SLC14A2: variants seen among roughly 807,000 people sequenced by gnomAD.
SLC14A2 encodes solute carrier family 14 member 2, also known as urea transporter 2.
In SLC14A2, 91 loss-of-function variants were observed where a neutral mutation model predicts 104.6. The ratio of observed to expected loss-of-function variants is 0.87; its 90% CI spans 0.73 to 1.04. The LOEUF is 1.04. SLC14A2 is among the 50% of genes least tolerant of loss of function. The pLI, the probability that SLC14A2 is intolerant of heterozygous loss-of-function variation, is 0.00. For synonymous variants in SLC14A2, 476 were observed against 466.4 expected, an observed-to-expected ratio of 1.02 and a Z score of -0.27; for missense variants, 1,189 against 1,156.0, an observed-to-expected ratio of 1.03 and a Z score of -0.41.
chr18:45,475,682 T>G (rs1295941247), intron 1 of SLC14A2, among the ~76,000 whole-genome samples: 1 of 95,856 alleles, frequency 1.0e-5, no homozygotes, highest in African/African-American at 4.2e-5. Context: ...TATATATATA[T>G]ATATATGATA....
chr18:45,349,482 C>T (rs1008220255), intron 1 of SLC14A2, among the ~76,000 whole-genome samples: 6 of 152,164 alleles, frequency 3.9e-5, no homozygotes, highest in Admixed American at 3.9e-4. Flanking sequence ...CCAACCTTCT[C>T]CTAGAGATGG....
chr18:45,349,672 G>A (rs1035314387), intron 1 of SLC14A2, among the ~76,000 whole-genome samples: 12 of 152,196 alleles, frequency 7.9e-5, no homozygotes, highest in Admixed American at 6.5e-4. Context: ...ACCCATCTTG[G>A]TTACAGCTCT....
chr18:45,318,182 G>A (rs1305754935), intron 1 of SLC14A2, among the ~76,000 whole-genome samples: 5 of 152,186 alleles, frequency 3.3e-5, no homozygotes, highest in African/African-American at 4.8e-5. Flanking sequence ...TCCAAGCACC[G>A]GGGAGACGGC....
intron 2 of SLC14A2, among the ~76,000 whole-genome samples, chr18:45,571,851 T>TAATA (rs2144337585): frequency 6.6e-6 from 1 of 152,288 alleles, no homozygotes; most frequent in African/African-American, 2.4e-5. Context: ...GAGTAAAATA[T>TAATA]AATATGGGTT....
At chr18:45,426,493 C>T (rs564428112) in intron 1 of SLC14A2, among the ~76,000 whole-genome samples, 21 of 151,540 alleles carry the variant, frequency 1.4e-4, no homozygotes, top group African/African-American at 4.8e-4. Context: ...GCAGAGCACA[C>T]CCTTGTATGT....
chr18:45,567,722 G>A (rs939313963), intron 2 of SLC14A2, among the ~76,000 whole-genome samples: 45 of 151,838 alleles, frequency 3.0e-4, no homozygotes, highest in Non-Finnish European at 1.3e-4. Context: ...CACCTCTCTC[G>A]GCCTCTACCT....
intron 1 of SLC14A2, among the ~76,000 whole-genome samples, chr18:45,302,521 A>G (rs187266399): frequency 5.9e-5 from 9 of 152,326 alleles, no homozygotes; most frequent in Non-Finnish European, 1.3e-4. Flanking sequence ...CTATTTTCCC[A>G]TCTCAATATC....
chr18:45,393,419 G>A (rs1315943962), intron 1 of SLC14A2, among the ~76,000 whole-genome samples: 2 of 152,080 alleles, frequency 1.3e-5, no homozygotes, highest in African/African-American at 2.4e-5. Context: ...AGTTTATAAC[G>A]TGTATGTACT....
intron 1 of SLC14A2, chr18:45,482,636 A>C (rs1308666337): frequency 1.3e-5 from 2 of 152,260 alleles, no homozygotes; most frequent in African/African-American, 4.8e-5. Context: ...ATGACATGGC[A>C]GTTGGCTCCA....
intron 8 of SLC14A2, among the ~76,000 whole-genome samples, chr18:45,642,489 A>G (rs535419078): frequency 6.6e-6 from 1 of 152,278 alleles, no homozygotes; most frequent in Non-Finnish European, 1.5e-5. Context: ...TGACAAAGAG[A>G]GAGGGAAGAG....
intron 2 of SLC14A2, among the ~76,000 whole-genome samples, chr18:45,567,797 G>A (rs577891456): frequency 2.2e-4 from 33 of 152,184 alleles, no homozygotes; most frequent in African/African-American, 7.5e-4. Flanking sequence ...TCAAGAGGAG[G>A]GCCTATAAAA....
At chr18:45,553,660 C>T (rs1209185858) in intron 2 of SLC14A2, among the ~76,000 whole-genome samples, 1 of 152,108 alleles carries the variant, frequency 6.6e-6, no homozygotes, top group African/African-American at 2.4e-5. Flanking sequence ...TTATTCCTCC[C>T]AAATATTATG....
rs536611678 is a variant in SLC14A2, at chr18:45,589,212, A to T, written c.-34-35419A>T. On this transcript the variant is annotated intron_variant, in intron 2 of 20. Transcript: ENST00000586448. Reference sequence around the variant, plus strand: ...AAGCCTGTTTGAAGTTGCCCTGGATATTTATTTGTAGGGGATTTACTGCAC... The same window carrying T: ...AAGCCTGTTTGAAGTTGCCCTGGATTTTTATTTGTAGGGGATTTACTGCAC... Among the ~76,000 whole-genome samples the T allele has an allele frequency of 2.2e-5, 3 of 138,346 alleles. No homozygotes were observed. In the South Asian group the frequency reaches 6.8e-4, roughly 31 times the overall value. 90.8% of individuals were successfully genotyped at this position (138,346 alleles called of 152,430 possible).
chr18:45,491,759 G>A (rs897200390), intron 2 of SLC14A2, among the ~76,000 whole-genome samples: 4 of 152,156 alleles, frequency 2.6e-5, no homozygotes, highest in Non-Finnish European at 5.9e-5. Context: ...GGCTGTGGAT[G>A]TCTGCTCATG....
chr18:45,193,154 A>G, the SLC14A2 span, among the ~76,000 whole-genome samples: 11 of 152,160 alleles, frequency 7.2e-5, no homozygotes, highest in Non-Finnish European at 1.2e-4. Context: ...GCAGACACAT[A>G]TTTGCCAATA....
intron 2 of SLC14A2, among the ~76,000 whole-genome samples, chr18:45,558,853 C>T (rs967523731): frequency 5.3e-5 from 8 of 152,236 alleles, no homozygotes; most frequent in East Asian, 3.9e-4. Flanking sequence ...TGCAGTGACA[C>T]GATCTCGGCT....
At chr18:45,526,844 G>A (rs1174051530) in intron 2 of SLC14A2, among the ~76,000 whole-genome samples, 1 of 152,142 alleles carries the variant, frequency 6.6e-6, no homozygotes, top group Non-Finnish European at 1.5e-5. Context: ...GACAAGGAGG[G>A]AGTTGCTAAG....
In SLC14A2 at chr18:45,236,011, A is replaced by G. The variant is rs370171323; in HGVS notation, c.-125+22820A>G. Among the ~76,000 whole-genome samples the G allele has an allele frequency of 3.0e-4, 16 of 52,516 alleles. 1 individual carries two copies. Among genetic ancestry groups the G allele is most frequent in the African/African-American group, 2.0e-3 (14 of 7,080 alleles). The allele number at this position is 52,516 out of a possible 152,430, so 34.5% of individuals were successfully genotyped here. On this transcript the variant is annotated intron_variant, in intron 1 of 20. Transcript: ENST00000586448. ...TGTGTATATATACATATATGTGTGT[A>G]TATATGTGTATATATACATATATGT...
rs184937826 is a variant in SLC14A2, at chr18:45,518,056, A to T, written c.-35+34734A>T. Among the ~76,000 whole-genome samples the T allele has an allele frequency of 8.9e-3, 1,356 of 152,266 alleles. 13 individuals are homozygous for T. The highest frequency in any genetic ancestry group is 0.013 in the Non-Finnish European group (868 of 68,018). ...AATAATAACTAATAATTAACACAACATCTAGATTCAGTCTGTTTCCTACTT... is the reference window on the plus strand; with the variant it reads ...AATAATAACTAATAATTAACACAACTTCTAGATTCAGTCTGTTTCCTACTT... On this transcript the variant is annotated intron_variant, in intron 2 of 20. Transcript: ENST00000586448.
Sources: gnomAD v4.1 joint callset for allele counts (sites outside exome capture counted in the v4.1 genomes callset) on GRCh38, gnomAD v4.1.1 for gene constraint, MANE v1.5 for transcripts, NCBI Gene and HGNC (gene_info 2026-07-23, HGNC 2026-07-21) for gene names.